Variants in RTTN observed in about 807,000 individuals in gnomAD.
RTTN encodes the protein rotatin.
RTTN carries 182 observed loss-of-function variants against 269.2 expected under a neutral mutation model. The observed-to-expected ratio is 0.68, with a 90% CI of 0.60 to 0.76. The LOEUF is 0.76. Ranked by LOEUF, RTTN falls within the 30% of genes least tolerant of loss-of-function variation. The pLI is 0.00. For synonymous variants in RTTN, 1,006 were observed against 963.5 expected, an observed-to-expected ratio of 1.04 and a Z score of -0.82; for missense variants, 2,545 against 2,608.6, an observed-to-expected ratio of 0.98 and a Z score of 0.53.
Position 70,142,387 on chromosome 18 carries a change from A to G in RTTN, c.2482T>C (p.Leu828=). Residue 828 remains leucine, a splice_region_variant and synonymous_variant, in exon 19 of 49, where the codon TTG becomes CTG. Transcript: ENST00000640769. ...TCATATACCTTTTCAACAGTCTCCA[A>G]CTACAAACCAAAAAAAAAAAAAAAC... ...LDDRRELVIK[L]ETVEKVYEIF... is the part of the protein sequence containing the mutation. 2 of 1,513,694 alleles carry G rather than the reference A, an allele frequency of 1.3e-6. No individual in the cohort carries two copies. Among genetic ancestry groups the G allele is most frequent in the South Asian group, 1.2e-5 (1 of 84,144 alleles). 93.8% of individuals were successfully genotyped at this position (1,513,694 alleles called of 1,614,324 possible). A position where few individuals can be genotyped will look rare whatever the true frequency, so the allele number is the denominator to read the frequency against.
chr18:70,020,964 G>A (rs2056687559), intron 44 of RTTN, 147 bp from the exon 45 acceptor site: 8 of 625,102 alleles, frequency 1.3e-5, no homozygotes, highest in South Asian at 1.3e-4. Flanking sequence ...TAATGTTGGT[G>A]TCTACAGTCA....
At position 70,199,525 on chromosome 18, in the gene RTTN, C is replaced by G. The variant is rs377007782; in HGVS notation, c.488-21G>C. 22 of 1,477,920 alleles carry G rather than the reference C, an allele frequency of 1.5e-5. No individual in the cohort carries two copies. The African/African-American group carries it at 1.7e-4, about 11-fold the overall frequency. The allele number at this position is 1,477,920 out of a possible 1,614,324, so 91.6% of individuals were successfully genotyped here. A position where few individuals can be genotyped will look rare whatever the true frequency, so the allele number is the denominator to read the frequency against. On this transcript the variant is annotated intron_variant, in intron 4 of 48. Transcript: ENST00000640769. ...ATTTACTGTCAGTGAAAGAGCAAAT[C>G]TTATGGTATCAAAGAATAAAGAGAT...
chr18:70,092,596 T>C (rs1266878658), intron 29 of RTTN, 80 bp downstream of exon 29: 11 of 1,498,610 alleles, frequency 7.3e-6, no homozygotes, highest in Non-Finnish European at 9.0e-6. Context: ...GTGGCAAGTT[T>C]ATATGCTTGA....
intron 10 of RTTN, among the ~76,000 whole-genome samples, chr18:70,187,355 A>G (rs972472447): frequency 1.3e-5 from 2 of 152,176 alleles, no homozygotes; most frequent in African/African-American, 4.8e-5. Context: ...CTACATACTT[A>G]GTTGCTTACA....
intron 11 of RTTN, among the ~76,000 whole-genome samples, chr18:70,171,888 T>C (rs2061152694): frequency 6.6e-6 from 1 of 152,232 alleles, no homozygotes; most frequent in African/African-American, 2.4e-5. Flanking sequence ...TGTTTGAACA[T>C]TACCGTTTGA....
chr18:70,203,510 TATC>T (rs1260190600), intron 3 of RTTN, among the ~76,000 whole-genome samples: 1 of 152,216 alleles, frequency 6.6e-6, no homozygotes, highest in Non-Finnish European at 1.5e-5. Context: ...TCTTTCTTAT[TATC>T]CCAGTTTTTG....
At chr18:70,066,091 T>C (rs986532398) in intron 34 of RTTN, among the ~76,000 whole-genome samples, 169 bp from the exon 35 acceptor site, 1 of 152,202 alleles carries the variant, frequency 6.6e-6, no homozygotes, top group Non-Finnish European at 1.5e-5. Context: ...TTTTTTTAAA[T>C]GGCATTTCCA....
intron 32 of RTTN, among the ~76,000 whole-genome samples, chr18:70,082,585 T>A (rs190483161): frequency 1.4e-3 from 215 of 152,346 alleles, no homozygotes; most frequent in Admixed American, 2.6e-3. Context: ...CTAGTCAGAC[T>A]GTGGGAAACT....
chr18:70,162,886 G>GAAA (rs5825997), intron 14 of RTTN, among the ~76,000 whole-genome samples: 32 of 50,194 alleles, frequency 6.4e-4, no homozygotes, highest in Admixed American at 1.2e-3. Flanking sequence ...AATAAAAGTT[G>GAAA]AAAAAAAAAA....
intron 10 of RTTN, 49 bp downstream of exon 10, chr18:70,188,059 T>C: frequency 1.7e-6 from 2 of 1,149,474 alleles, no homozygotes; most frequent in Non-Finnish European, 2.6e-6. Context: ...AGAACCAAAA[T>C]CTTAAAAAAT....
intron 37 of RTTN, among the ~76,000 whole-genome samples, chr18:70,054,987 G>T (rs1013378095): frequency 6.6e-6 from 1 of 152,098 alleles, no homozygotes; most frequent in Non-Finnish European, 1.5e-5. Context: ...GGGGAAGCTA[G>T]CCTAGTTATT....
chr18:70,097,856 G>A (rs2059043053), intron 28 of RTTN, among the ~76,000 whole-genome samples: 1 of 152,124 alleles, frequency 6.6e-6, no homozygotes, highest in Non-Finnish European at 1.5e-5. Context: ...GTGATCTAAA[G>A]TCTTTGCACG....
chr18:70,201,830 G>A (rs2061960614), intron 4 of RTTN, 64 bp downstream of exon 4: 9 of 992,440 alleles, frequency 9.1e-6, no homozygotes, highest in South Asian at 3.0e-5. Context: ...TCACAATAAC[G>A]AAAAAAGTAC....
intron 6 of RTTN, among the ~76,000 whole-genome samples, chr18:70,196,881 A>G (rs1369922462): frequency 6.6e-6 from 1 of 152,246 alleles, no homozygotes; most frequent in East Asian, 1.9e-4. Flanking sequence ...AGTGTTTCCT[A>G]TTTCTAAAAT....
At chr18:70,069,369 T>C (rs2058234742) in intron 34 of RTTN, among the ~76,000 whole-genome samples, 1 of 152,140 alleles carries the variant, frequency 6.6e-6, no homozygotes, top group African/African-American at 2.4e-5. Flanking sequence ...AATAAAAAAA[T>C]AAAATGGACT....
At chr18:70,141,010 T>C (rs980268683) in intron 19 of RTTN, among the ~76,000 whole-genome samples, 1 of 152,146 alleles carries the variant, frequency 6.6e-6, no homozygotes, top group East Asian at 1.9e-4. Flanking sequence ...TGCCCCCCAA[T>C]ATAGTGCATA....
chr18:70,081,996 C>T (rs1278022925), intron 32 of RTTN, among the ~76,000 whole-genome samples: 5 of 152,086 alleles, frequency 3.3e-5, no homozygotes, highest in Non-Finnish European at 5.9e-5. Flanking sequence ...TGTAAAATAA[C>T]ATTTGGGGAA....
At position 70,149,957 on chromosome 18, in the gene RTTN, A is replaced by G; in HGVS notation, c.2172+14T>C. 6.5e-7 allele frequency: 1 copy of G among 1,540,080 alleles called. No individual in the cohort carries two copies. Among genetic ancestry groups the G allele is most frequent in the Non-Finnish European group, 9.0e-7 (1 of 1,113,154 alleles). On this transcript the variant is annotated intron_variant, in intron 16 of 48. Transcript: ENST00000640769. ...AGATAAATGGTATCATAAAAAGTGAATTTCACAGAATACCTGTAGTATTGG... is the reference window on the plus strand; with the variant it reads ...AGATAAATGGTATCATAAAAAGTGAGTTTCACAGAATACCTGTAGTATTGG...
intron 12 of RTTN, among the ~76,000 whole-genome samples, 174 bp downstream of exon 12, chr18:70,168,681 A>T (rs1174833351): frequency 6.6e-6 from 1 of 152,182 alleles, no homozygotes; most frequent in East Asian, 1.9e-4. Context: ...TTCTATACAA[A>T]TCATATCCTT....
Sources: gnomAD v4.1 joint callset for allele counts (sites outside exome capture counted in the v4.1 genomes callset) on GRCh38, gnomAD v4.1.1 for gene constraint, MANE v1.5 for transcripts, NCBI Gene and HGNC (gene_info 2026-07-23, HGNC 2026-07-21) for gene names.